The following ACACB variants were observed in gnomAD, a reference collection of about 807,000 sequenced individuals.
The protein encoded by ACACB is acetyl-CoA carboxylase beta.
A neutral mutation model predicts 278.8 loss-of-function variants in ACACB; 209 were observed. The observed-to-expected ratio is 0.75, with a 90% confidence interval of 0.67 to 0.84. The LOEUF is 0.84. ACACB is among the 40% of genes least tolerant of loss of function. ACACB has a pLI of 0.00. For missense variants in ACACB, 2,850 were observed against 3,269.0 expected, an observed-to-expected ratio of 0.87 and a Z score of 3.13; for synonymous variants, 1,174 against 1,285.6, an observed-to-expected ratio of 0.91 and a Z score of 1.86.
At chr12:109,113,622 A>G (rs1039594558), upstream of ACACB, among the ~76,000 whole-genome samples, 2 of 146,924 alleles carry the variant, frequency 1.4e-5, no homozygotes, top group Admixed American at 6.8e-5. Flanking sequence ...TGTTGCTAGT[A>G]TGCTTGCATT....
At chr12:109,160,168 A>G (rs1235477126) in intron 2 of ACACB, among the ~76,000 whole-genome samples, 1 of 152,092 alleles carries the variant, frequency 6.6e-6, no homozygotes, top group Non-Finnish European at 1.5e-5. Context: ...AGAGGAATAT[A>G]AGAGGCCATA....
intron 21 of ACACB, among the ~76,000 whole-genome samples, chr12:109,212,323 G>A (rs2045872580): frequency 6.6e-6 from 1 of 151,928 alleles, no homozygotes; most frequent in Admixed American, 6.6e-5. Flanking sequence ...GGAGGGGGAT[G>A]GTTTCGGGAT....
chr12:109,137,616 C>T (rs138839784), intron 1 of ACACB, among the ~76,000 whole-genome samples: 14 of 151,312 alleles, frequency 9.3e-5, no homozygotes, highest in African/African-American at 2.2e-4. Flanking sequence ...GCTGAGATTA[C>T]GCCACTATGC....
intron 2 of ACACB, among the ~76,000 whole-genome samples, chr12:109,161,860 T>C (rs12426388): frequency 0.56 from 85,305 of 151,876 alleles, 24,565 homozygotes; most frequent in Middle Eastern, 0.71. Flanking sequence ...TTTTTTAAAA[T>C]ATAGCAAAGA....
chr12:109,149,839 G>A (rs548746413), intron 2 of ACACB, among the ~76,000 whole-genome samples: 1 of 152,228 alleles, frequency 6.6e-6, no homozygotes, highest in Non-Finnish European at 1.5e-5. Context: ...AGGGGTCTGA[G>A]AGCCCACAGG....
intron 50 of ACACB, 65 bp downstream of exon 50, chr12:109,264,451 A>AAT: frequency 7.5e-7 from 1 of 1,340,088 alleles, no homozygotes; most frequent in Admixed American, 1.8e-5. Context: ...CATGGAGGAC[A>AAT]TTTGGGCTCG....
intron 13 of ACACB, 74 bp from the exon 14 acceptor site, chr12:109,191,539 A>T: frequency 6.3e-7 from 1 of 1,576,690 alleles, no homozygotes; most frequent in Non-Finnish European, 8.7e-7. Context: ...CAGTTCTCTG[A>T]ATCACATCAT....
intron 13 of ACACB, among the ~76,000 whole-genome samples, chr12:109,190,276 C>T (rs757240220): frequency 6.6e-6 from 1 of 152,142 alleles, no homozygotes; most frequent in Admixed American, 6.5e-5. Flanking sequence ...TTAGTAGAGA[C>T]GGGATTTCTC....
At chr12:109,137,161 C>T (rs1437371737) in intron 1 of ACACB, among the ~76,000 whole-genome samples, 3 of 151,988 alleles carry the variant, frequency 2.0e-5, no homozygotes, top group Admixed American at 2.0e-4. Flanking sequence ...CCACCCTTGA[C>T]TGACTTTTCT....
At chr12:109,205,472 CAG>C (rs2045475199) in intron 19 of ACACB, among the ~76,000 whole-genome samples, 1 of 149,616 alleles carries the variant, frequency 6.7e-6, no homozygotes, top group Non-Finnish European at 1.5e-5. Flanking sequence ...TTTTTTGAGA[CAG>C]AATTTCACTC....
intron 22 of ACACB, among the ~76,000 whole-genome samples, chr12:109,215,386 G>C (rs1438631277): frequency 6.6e-6 from 1 of 152,054 alleles, no homozygotes; most frequent in Non-Finnish European, 1.5e-5. Flanking sequence ...ACTTTGGGCA[G>C]GGCAGTGTTC....
At chr12:109,210,140 T>G (rs1290978308) in intron 21 of ACACB, among the ~76,000 whole-genome samples, 1 of 72,596 alleles carries the variant, frequency 1.4e-5, no homozygotes, top group Non-Finnish European at 2.9e-5. Flanking sequence ...TGTGTGTATA[T>G]ATGTATATAT....
At chr12:109,179,498 CTTT>C (rs1214947634) in intron 10 of ACACB, 1 of 630,992 alleles carries the variant, frequency 1.6e-6, no homozygotes, top group Non-Finnish European at 2.7e-6. Context: ...TATTTCTTTT[CTTT>C]TTTGAGACAG....
chr12:109,224,361 C>G (rs1001440549), intron 27 of ACACB, among the ~76,000 whole-genome samples: 1 of 151,640 alleles, frequency 6.6e-6, no homozygotes, highest in Non-Finnish European at 1.5e-5. Flanking sequence ...AAGGTGACCC[C>G]CTGCCCCCCG....
At chr12:109,249,234 A>C (rs2047030583) in intron 40 of ACACB, 4 of 152,202 alleles carry the variant, frequency 2.6e-5, no homozygotes, top group South Asian at 4.1e-4. Flanking sequence ...CACATGTTGC[A>C]GGAGAAAAGG....
chr12:109,203,104 A>C (rs955010787), intron 19 of ACACB, among the ~76,000 whole-genome samples: 1 of 152,200 alleles, frequency 6.6e-6, no homozygotes, highest in African/African-American at 2.4e-5. Flanking sequence ...GGTGGAATCT[A>C]TATAGTATCT....
chr12:109,168,263 G>A (rs1270552850), intron 4 of ACACB, among the ~76,000 whole-genome samples: 2 of 152,194 alleles, frequency 1.3e-5, no homozygotes, highest in Non-Finnish European at 2.9e-5. Context: ...GAGGAAATTC[G>A]ATCTTTGAGA....
At chr12:109,212,973 C>T (rs751047644) in intron 22 of ACACB, 37 bp downstream of exon 22, 2 of 1,578,648 alleles carry the variant, frequency 1.3e-6, no homozygotes, top group African/African-American at 2.7e-5. Context: ...GTGGTTGTCA[C>T]CTGAATCGTC....
intron 1 of ACACB, among the ~76,000 whole-genome samples, chr12:109,122,930 C>T (rs2042585138): frequency 1.3e-5 from 2 of 152,012 alleles, no homozygotes; most frequent in Non-Finnish European, 2.9e-5. Flanking sequence ...TGCCTGTAAT[C>T]CCAGCACTTT....
Sources: allele counts gnomAD v4.1 joint callset (sites outside exome capture counted in the v4.1 genomes callset), GRCh38; gene constraint gnomAD v4.1.1; transcripts MANE v1.5; gene names NCBI Gene and HGNC (gene_info 2026-07-23, HGNC 2026-07-21).